LATS2: variants seen among roughly 807,000 people sequenced by gnomAD.
LATS2 encodes serine/threonine-protein kinase LATS2.
Under a neutral mutation model 76.0 loss-of-function variants are expected in LATS2, and 24 were observed. The ratio of observed to expected loss-of-function variants is 0.32; its 90% CI spans 0.23 to 0.44. LATS2 has a LOEUF of 0.44. Ranked by LOEUF, LATS2 falls within the 20% of genes least tolerant of loss-of-function variation. LATS2 has a pLI of 1.00. For missense variants in LATS2, 1,286 were observed against 1,481.2 expected (o/e 0.87, Z 2.16); for synonymous variants, 692 against 635.4 (o/e 1.09, Z -1.34).
chr13:21,023,611 G>A (rs1872161312), intron 2 of LATS2, among the ~76,000 whole-genome samples: 1 of 137,916 alleles, frequency 7.3e-6, no homozygotes, highest in African/African-American at 2.8e-5. Flanking sequence ...ATGGGAGGGA[G>A]GTCCACCAAA....
intron 2 of LATS2, among the ~76,000 whole-genome samples, chr13:21,004,177 C>T (rs1871164351): frequency 6.6e-6 from 1 of 152,174 alleles, no homozygotes; most frequent in Non-Finnish European, 1.5e-5. Flanking sequence ...GCTCACGCCT[C>T]ACCAACCCAG....
In LATS2 at chr13:20,989,021, G is replaced by A. The variant is rs561201579; in HGVS notation, c.759C>T (p.Tyr253=). ...GAHFPLQGAH[Y]GRPHLLVPGE... ...CAGGCACCAGCAGGTGCGGCCGCCC[G>A]TAGTGCGCGCCCTGCAGCGGGAAGT... The change falls in exon 4 of 8, where the codon TAC becomes TAT. Residue 253 remains tyrosine (Y), a synonymous_variant. Coordinates refer to ENST00000382592, the MANE Select transcript of LATS2 (RefSeq NM_014572.3). The A allele has an allele frequency of 5.4e-5, 84 of 1,555,800 alleles. No homozygotes were observed. The African/African-American group carries it at 8.0e-4, about 15-fold the overall frequency.
At chr13:20,995,538 A>G (rs1330201024) in intron 2 of LATS2, among the ~76,000 whole-genome samples, 1 of 152,230 alleles carries the variant, frequency 6.6e-6, no homozygotes, top group African/African-American at 2.4e-5. Context: ...TATCTGTTCA[A>G]TGAATGATTG....
chr13:21,007,585 A>AGTG (rs1871341239), intron 2 of LATS2, among the ~76,000 whole-genome samples: 2 of 15,872 alleles, frequency 1.3e-4, no homozygotes, highest in South Asian at 2.6e-3. Flanking sequence ...ATATATATAT[A>AGTG]TAGTATATAT....
At chr13:21,005,568 C>T (rs1227588384) in intron 2 of LATS2, 2 of 152,218 alleles carry the variant, frequency 1.3e-5, no homozygotes, top group Non-Finnish European at 2.9e-5. Flanking sequence ...GCCCTGTCTG[C>T]TGGAGCTCTA....
intron 4 of LATS2, 79 bp from the exon 5 acceptor site, chr13:20,983,885 C>T (rs1285271091): frequency 1.7e-6 from 2 of 1,168,466 alleles, no homozygotes; most frequent in Non-Finnish European, 2.4e-6. Context: ...TGGGGATGCC[C>T]TGGAACTGAG....
At chr13:20,998,521 T>C (rs891675672) in intron 2 of LATS2, among the ~76,000 whole-genome samples, 3 of 152,022 alleles carry the variant, frequency 2.0e-5, no homozygotes, top group Non-Finnish European at 4.4e-5. Flanking sequence ...TTCAAAAGAA[T>C]CTCTGACCCA....
intron 1 of LATS2, among the ~76,000 whole-genome samples, chr13:21,059,632 C>A (rs1275577776): frequency 1.3e-5 from 2 of 149,758 alleles, no homozygotes; most frequent in Non-Finnish European, 3.0e-5. Flanking sequence ...ACACTCATAT[C>A]CATCCTAGAG....
intron 1 of LATS2, among the ~76,000 whole-genome samples, chr13:21,050,276 A>G (rs961645080): frequency 6.6e-6 from 1 of 151,990 alleles, no homozygotes; most frequent in Non-Finnish European, 1.5e-5. Flanking sequence ...AACTGCACAG[A>G]TTGTAAGATT....
intron 2 of LATS2, among the ~76,000 whole-genome samples, chr13:20,996,853 C>T (rs1870779828): frequency 6.6e-6 from 1 of 152,164 alleles, no homozygotes; most frequent in African/African-American, 2.4e-5. Context: ...TATCTGCTAC[C>T]CTCTGGGCTA....
At position 20,975,177 on chromosome 13, in the gene LATS2, G is replaced by A. The variant is rs761440689; in HGVS notation, c.2960C>T (p.Ala987Val). ...GTGGCTGATGGTGGGAACGTAGGGG[G>A]CTGGCTGCTTCCGGATGTCACTGGA... ...DFSSDIRKQP[A>V]PYVPTISHPM... is the part of the protein sequence containing the mutation. Residue 987 changes from alanine to valine, a missense_variant, in exon 8 of 8, where the codon GCC (alanine) becomes GTC (valine). Transcript: ENST00000382592. 6.2e-7 allele frequency: 1 copy of A among 1,614,214 alleles called. No individual in the cohort carries two copies. The highest frequency in any genetic ancestry group is 8.5e-7 in the Non-Finnish European group (1 of 1,180,030).
intron 2 of LATS2, among the ~76,000 whole-genome samples, chr13:21,025,851 C>A (rs912339511): frequency 1.3e-5 from 2 of 152,198 alleles, no homozygotes; most frequent in Non-Finnish European, 2.9e-5. Flanking sequence ...GATGGCCATA[C>A]GGCCCTGTAC....
chr13:21,047,345 G>A (rs1018663970), intron 1 of LATS2, among the ~76,000 whole-genome samples: 1 of 152,150 alleles, frequency 6.6e-6, no homozygotes. Context: ...ACCAGGCCCT[G>A]CAGTACTTGG....
At position 20,988,271 on chromosome 13, in the gene LATS2, G is replaced by T; in HGVS notation, c.1509C>A (p.Asp503Glu). ...TCCGGTCTGGGCCTCCGTACTCCAC[G>T]TCCAGCGGGAAGGCGCCTGCGCCGC... Reference protein sequence around the residue: ...ALGGAGAFPLDVEYGGPDRRC... With the variant: ...ALGGAGAFPLEVEYGGPDRRC... The change falls in exon 4 of 8, where the codon GAC (aspartate) becomes GAA (glutamate). Residue 503 changes from aspartate to glutamate, a missense_variant. Around this residue, in one of 5 missense-constraint regions of LATS2, gnomAD observed 710 missense variants for 660.9 expected, o/e 1.07. Transcript: ENST00000382592. The T allele has an allele frequency of 6.3e-7, 1 of 1,595,590 alleles. No individual in the cohort carries two copies. Among genetic ancestry groups the T allele is most frequent in the Non-Finnish European group, 8.5e-7 (1 of 1,177,842 alleles).
At chr13:21,060,510 A>AGCCG (rs1443528602) in intron 1 of LATS2, among the ~76,000 whole-genome samples, 20 of 152,280 alleles carry the variant, frequency 1.3e-4, no homozygotes, top group Non-Finnish European at 2.9e-5. Context: ...TTGGCGCGGC[A>AGCCG]GCCGGCCGGG....
chr13:20,975,571 C>T (rs1033485218), intron 7 of LATS2, among the ~76,000 whole-genome samples: 3 of 152,164 alleles, frequency 2.0e-5, no homozygotes, highest in Non-Finnish European at 4.4e-5. Flanking sequence ...GCCAGGATGA[C>T]CAGTCAAATA....
intron 2 of LATS2, among the ~76,000 whole-genome samples, chr13:20,996,806 CA>C (rs1466970687): frequency 6.6e-6 from 1 of 152,190 alleles, no homozygotes; most frequent in Non-Finnish European, 1.5e-5. Flanking sequence ...ACAATGGTTA[CA>C]AAATAAGAGT....
At chr13:21,047,291 G>A (rs1024588112) in intron 1 of LATS2, among the ~76,000 whole-genome samples, 2 of 152,132 alleles carry the variant, frequency 1.3e-5, no homozygotes, top group African/African-American at 2.4e-5. Flanking sequence ...TAATAGAGAC[G>A]GATGCTTAGG....
chr13:20,984,217 A>G (rs1870042281), intron 4 of LATS2, among the ~76,000 whole-genome samples: 1 of 152,240 alleles, frequency 6.6e-6, no homozygotes, highest in Non-Finnish European at 1.5e-5. Flanking sequence ...TACAGGCTTG[A>G]GCCACTGTGC....
Sources: allele counts gnomAD v4.1 joint callset (sites outside exome capture counted in the v4.1 genomes callset), GRCh38; gene constraint gnomAD v4.1.1; regional missense constraint gnomAD v4.1.1; transcripts MANE v1.5; gene names NCBI Gene and HGNC (gene_info 2026-07-23, HGNC 2026-07-21).